The following CUX1 variants were observed in gnomAD, a reference collection of about 807,000 sequenced individuals.
CUX1 encodes cut like homeobox 1.
In CUX1, 31 loss-of-function variants were observed where a neutral mutation model predicts 158.8. The ratio of observed to expected loss-of-function variants is 0.20; its 90% CI spans 0.15 to 0.26. The LOEUF is 0.26. Ranked by LOEUF, CUX1 falls within the 10% of genes least tolerant of loss-of-function variation. The pLI, the probability that CUX1 is intolerant of heterozygous loss-of-function variation, is 1.00. For synonymous variants in CUX1, 879 were observed against 862.1 expected (o/e 1.02, Z -0.34); for missense variants, 1,589 against 2,014.6 (o/e 0.79, Z 4.04).
chr7:102,180,087 A>G (rs371953957), intron 11 of CUX1, among the ~76,000 whole-genome samples: 31 of 152,188 alleles, frequency 2.0e-4, no homozygotes, highest in East Asian at 1.7e-3. Flanking sequence ...GCAATGGCGC[A>G]GTCTTGGCTC....
intron 10 of CUX1, among the ~76,000 whole-genome samples, chr7:102,176,535 G>A (rs1792359751): frequency 1.4e-5 from 2 of 138,222 alleles, no homozygotes. Context: ...AAATATTTCA[G>A]AATCTTTCAG....
chr7:102,091,319 TTTTTC>T lies in CUX1; in HGVS notation c.269-6035_269-6031del, dbSNP rs1288375541. 1.1e-3 allele frequency among the ~76,000 whole-genome samples: 173 copies of T among 152,256 alleles called. 3 individuals are homozygous for T. The highest frequency in any genetic ancestry group is 0.011 in the Admixed American group (169 of 15,290). ...AATTTGGATCCCTTAGCTTGCTTTT[TTTTTC>T]TTTTCTTTTTTTCTCTCTGTTTTGA... On this transcript the variant is annotated intron_variant, in intron 4 of 23. Coordinates refer to ENST00000292535, the MANE Select transcript of CUX1 (RefSeq NM_181552.4).
chr7:102,098,796 A>G lies in CUX1; in HGVS notation c.406+1295A>G, dbSNP rs1554485260. On this transcript the variant is annotated intron_variant, in intron 5 of 23. Transcript: ENST00000292535. ...GCTGGGACTACAGGAGCCCGCCACC[A>G]CGCCCAACTAATTTTTTTTTTTTTT... Among the ~76,000 whole-genome samples, 4 of 127,666 alleles carry G rather than the reference A, an allele frequency of 3.1e-5. No individual in the cohort carries two copies. In the South Asian group the frequency reaches 8.1e-4, roughly 26 times the overall value. 83.8% of individuals were successfully genotyped at this position (127,666 alleles called of 152,430 possible). A position where few individuals can be genotyped will look rare whatever the true frequency, so the allele number is the denominator to read the frequency against.
intron 2 of CUX1, among the ~76,000 whole-genome samples, chr7:101,951,522 T>C (rs1435604281): frequency 1.3e-5 from 2 of 152,046 alleles, no homozygotes; most frequent in East Asian, 1.9e-4. Flanking sequence ...TTTTTTTTTT[T>C]CTGGAGACAG....
chr7:102,192,018 C>T (rs1298538118), intron 12 of CUX1, among the ~76,000 whole-genome samples: 3 of 152,208 alleles, frequency 2.0e-5, no homozygotes, highest in African/African-American at 7.2e-5. Flanking sequence ...TGACAGGCCC[C>T]ACCACCATGT....
chr7:102,132,318 C>CGT (rs1554497527), intron 8 of CUX1, among the ~76,000 whole-genome samples: 6 of 60 alleles, frequency 0.1, no homozygotes, highest in African/African-American at 0.21. Flanking sequence ...TGCGCGCGCG[C>CGT]GCGCGCACGC....
At chr7:101,862,078 G>A (rs371176537) in intron 1 of CUX1, among the ~76,000 whole-genome samples, 7 of 152,162 alleles carry the variant, frequency 4.6e-5, no homozygotes, top group South Asian at 2.1e-4. Flanking sequence ...CATATGATTC[G>A]CCCACCTTGG....
chr7:101,887,605 G>A (rs1417905063), intron 1 of CUX1, among the ~76,000 whole-genome samples: 1 of 152,026 alleles, frequency 6.6e-6, no homozygotes, highest in African/African-American at 2.4e-5. Context: ...CACTGCACCC[G>A]GCCATGTCCT....
chr7:102,135,915 A>G (rs1216967044), intron 8 of CUX1, among the ~76,000 whole-genome samples: 1 of 151,902 alleles, frequency 6.6e-6, no homozygotes, highest in African/African-American at 2.4e-5. Context: ...TGGAGGTCAC[A>G]GTGAGCTGAG....
rs1554512799 is a variant in CUX1 at position 102,178,555 on chromosome 7, C to T, written c.915C>T (p.Asp305=). The change falls in exon 11 of 24, where the codon GAC becomes GAT. Residue 305 remains aspartate (D), a synonymous_variant. Transcript: ENST00000292535. ...GGGAGATCGCACAGCTGGTGGAGGA[C>T]GTGCAGAGACTCCAGGCCAGCCTCA... is the stretch of plus-strand genomic sequence containing the variant. The part of the protein sequence containing the change: ...KEREIAQLVE[D]VQRLQASLTK... 15 of 1,613,264 alleles carry T rather than the reference C, an allele frequency of 9.3e-6. No individual in the cohort carries two copies. The highest frequency in any genetic ancestry group is 1.3e-5 in the Non-Finnish European group (15 of 1,179,682).
At chr7:101,924,050 G>A (rs540211734) in intron 2 of CUX1, among the ~76,000 whole-genome samples, 115 of 152,294 alleles carry the variant, frequency 7.6e-4, no homozygotes, top group Non-Finnish European at 1.3e-3. Flanking sequence ...ATTCCTTCCC[G>A]ACCCTGGCAG....
At chr7:101,911,877 A>G (rs960504452) in intron 1 of CUX1, among the ~76,000 whole-genome samples, 2 of 152,220 alleles carry the variant, frequency 1.3e-5, no homozygotes, top group African/African-American at 4.8e-5. Flanking sequence ...GTGGGTCCTC[A>G]TTGCCTCCTG....
Position 101,969,359 on chromosome 7 carries a change from CAAAAAAAAAAAAA to C in CUX1, c.141+53146_141+53158del, listed in dbSNP as rs10711703. ...CAAAAAACAAACAAACAAAAAACAG[CAAAAAAAAAAAAA>C]AAAAAAAAAAAGCAGGCACCCAGAT... On this transcript the variant is annotated intron_variant, in intron 2 of 23. Transcript: ENST00000292535. 4.7e-3 allele frequency among the ~76,000 whole-genome samples: 266 copies of C among 56,132 alleles called. 2 individuals are homozygous for C. The highest frequency in any genetic ancestry group is 0.018 in the African/African-American group (241 of 13,444). 36.8% of individuals were successfully genotyped at this position (56,132 alleles called of 152,430 possible). A position where few individuals can be genotyped will look rare whatever the true frequency, so the allele number is the denominator to read the frequency against.
chr7:102,077,631 GA>G (rs1181386247), intron 4 of CUX1, among the ~76,000 whole-genome samples: 1 of 149,360 alleles, frequency 6.7e-6, no homozygotes, highest in Non-Finnish European at 1.5e-5. Flanking sequence ...ATCTCTTTAA[GA>G]AAAAAATAAA....
intron 20 of CUX1, among the ~76,000 whole-genome samples, chr7:102,206,439 G>A (rs1795955037): frequency 1.3e-5 from 2 of 152,174 alleles, no homozygotes; most frequent in Admixed American, 1.3e-4. Context: ...GGGAAATAAT[G>A]GACATAGCTG....
intron 18 of CUX1, among the ~76,000 whole-genome samples, chr7:102,203,545 T>C (rs1795664737): frequency 6.6e-6 from 1 of 152,244 alleles, no homozygotes; most frequent in Non-Finnish European, 1.5e-5. Context: ...TAGTTCAGTG[T>C]TGTAAAAATA....
In CUX1 at chr7:102,256,063, T is replaced by G. The variant is rs1386427695; in HGVS notation, c.*7021T>G. 2 of 985,314 alleles carry G rather than the reference T, an allele frequency of 2.0e-6. No homozygotes were observed. The highest frequency in any genetic ancestry group is 2.3e-4 in the East Asian group (2 of 8,820). The allele number at this position is 985,314 out of a possible 1,614,324, so 61.0% of individuals were successfully genotyped here. ...CGAAGGGAAAACAGGCCTCCCCGAC[T>G]CCCTCCAGTCTCCCAGCCTGCCTCT... On this transcript the variant is annotated 3_prime_UTR_variant, in exon 24 of 24. Transcript: ENST00000292535.
intron 3 of CUX1, among the ~76,000 whole-genome samples, chr7:102,057,259 C>A (rs962034354): frequency 4.6e-5 from 7 of 152,154 alleles, no homozygotes; most frequent in African/African-American, 1.7e-4. Flanking sequence ...AACAAGAGCT[C>A]TGGTGGAGAT....
At chr7:102,123,813 C>T (rs1832326254) in intron 8 of CUX1, among the ~76,000 whole-genome samples, 1 of 151,906 alleles carries the variant, frequency 6.6e-6, no homozygotes, top group African/African-American at 2.4e-5. Flanking sequence ...CAGGTGTGTA[C>T]CACCACACCT....
Sources: allele counts gnomAD v4.1 joint callset (sites outside exome capture counted in the v4.1 genomes callset), GRCh38; gene constraint gnomAD v4.1.1; transcripts MANE v1.5; gene names NCBI Gene and HGNC (gene_info 2026-07-23, HGNC 2026-07-21).